Variants in AIFM2 observed in about 807,000 individuals in gnomAD.
The protein encoded by AIFM2 is ferroptosis suppressor protein 1.
AIFM2 carries 38 observed loss-of-function variants against 35.7 expected under a neutral mutation model. The observed-to-expected ratio is 1.06, with a 90% CI of 0.82 to 1.39. The LOEUF is 1.39. Ranked by LOEUF, AIFM2 falls within the 40% of genes most tolerant of loss-of-function variation. AIFM2 has a pLI of 0.00. For synonymous variants in AIFM2, 185 were observed against 203.5 expected (o/e 0.91, Z 0.77); for missense variants, 476 against 491.2 (o/e 0.97, Z 0.29).
chr10:70,116,921 C>T (rs995476916), intron 6 of AIFM2, 147 bp from the exon 7 acceptor site: 5 of 926,158 alleles, frequency 5.4e-6, no homozygotes, highest in Admixed American at 4.6e-5. Context: ...CCATGCCCCT[C>T]CCTCAGTCCA....
Position 70,121,158 on chromosome 10 carries a change from C to A in AIFM2, c.348G>T (p.Pro116=), listed in dbSNP as rs377005666. 6 of 1,600,354 alleles carry A rather than the reference C, an allele frequency of 3.7e-6. No individual in the cohort carries two copies. In the African/African-American group the frequency reaches 8.3e-5, roughly 22 times the overall value. The change falls in exon 4 of 9, where the codon CCG becomes CCT. Residue 116 remains proline, a synonymous_variant. Transcript: ENST00000307864. ...ILATGSTGPF[P]GKFNEVSSQQ... ...GGCTGGAAACCTCATTAAACTTGCC[C>A]GGGAAGGGCCCAGTGCTGCCCGTGG...
At position 70,127,147 on chromosome 10, in the gene AIFM2, G is replaced by T. The variant is rs375286059; in HGVS notation, c.-13-3050C>A. Among the ~76,000 whole-genome samples the T allele has an allele frequency of 3.2e-4, 48 of 152,366 alleles. No homozygotes were observed. The South Asian group carries it at 9.7e-3, about 31-fold the overall frequency. ...GGCAGTGATGAGGCAGGCCGTGGGT[G>T]GCGTGTGTTTCACCAGCCCCTGGCA... On this transcript the variant is annotated intron_variant, in intron 1 of 8. Transcript: ENST00000307864.
At chr10:70,115,237 C>G in intron 7 of AIFM2, 117 bp from the exon 8 acceptor site, 1 of 1,113,182 alleles carries the variant, frequency 9.0e-7, no homozygotes, top group South Asian at 1.4e-5. Context: ...AGGTCACCCT[C>G]CTGAGGCATG....
intron 1 of AIFM2, among the ~76,000 whole-genome samples, chr10:70,124,571 T>C (rs1160795023): frequency 6.6e-6 from 1 of 152,214 alleles, no homozygotes; most frequent in East Asian, 1.9e-4. Context: ...ATGCTCTGTG[T>C]TGTGTATCCT....
At chr10:70,118,776 C>T (rs764989935) in intron 5 of AIFM2, among the ~76,000 whole-genome samples, 3 of 152,154 alleles carry the variant, frequency 2.0e-5, no homozygotes, top group Non-Finnish European at 4.4e-5. Context: ...ATTTGGTCCT[C>T]ATTGCCGGTT....
intron 5 of AIFM2, 102 bp from the exon 6 acceptor site, chr10:70,118,022 T>C (rs952581261): frequency 1.3e-6 from 1 of 795,080 alleles, no homozygotes; most frequent in African/African-American, 1.8e-5. Context: ...AGGTTACAGA[T>C]GAGGAAACTG....
chr10:70,124,112 G>T lies in AIFM2; in HGVS notation c.-13-15C>A. 1 of 1,449,858 alleles carries T rather than the reference G, an allele frequency of 6.9e-7. No homozygotes were observed. 89.8% of individuals were successfully genotyped at this position (1,449,858 alleles called of 1,614,324 possible). The stretch of plus-strand genomic sequence containing the variant: ...CAAATCAGGCACTGCTGGGAAGAAA[G>T]AGGAGAGCATATCAGAGTCAGGGAG... On this transcript the variant is annotated splice_polypyrimidine_tract_variant and intron_variant, in intron 1 of 8. Coordinates refer to ENST00000307864, the MANE Select transcript of AIFM2 (RefSeq NM_032797.6).
At chr10:70,114,804 C>T in intron 8 of AIFM2, 116 bp downstream of exon 8, 1 of 1,271,722 alleles carries the variant, frequency 7.9e-7, no homozygotes. Flanking sequence ...GGGATGTTTC[C>T]ATCACCAGCT....
chr10:70,115,145 C>T lies in AIFM2; in HGVS notation c.770-25G>A, dbSNP rs750656515. On this transcript the variant is annotated intron_variant, in intron 7 of 8. Transcript: ENST00000307864. ...TCTGCCAGAAGAAATGACACCGAAA[C>T]CAAGACACTGAGCTGCTGTGTTAAG... 7.4e-6 allele frequency: 12 copies of T among 1,611,118 alleles called. No homozygotes were observed. The South Asian group carries it at 1.1e-4, about 15-fold the overall frequency.
chr10:70,123,908 T>C lies in AIFM2; in HGVS notation c.177A>G (p.Thr59=), dbSNP rs138493806. The C allele has an allele frequency of 8.5e-5, 133 of 1,573,944 alleles. No individual in the cohort carries two copies. In the African/African-American group the frequency reaches 1.0e-3, roughly 12 times the overall value. The change falls in exon 2 of 9, where the codon ACA becomes ACG. Residue 59 remains threonine (T), a splice_region_variant and synonymous_variant. Coordinates refer to ENST00000307864, the MANE Select transcript of AIFM2 (RefSeq NM_032797.6). ...NVAALRASVE[T]GFAKKTFISY... ...CAGCCCCAGACGGGAGCACATTACC[T>C]GTCTCCACGGAGGCTCGGAGAGCAG... is the stretch of plus-strand genomic sequence containing the variant.
intron 1 of AIFM2, among the ~76,000 whole-genome samples, chr10:70,129,438 T>TCTAAAA (rs981655458): frequency 2.6e-5 from 4 of 152,098 alleles, no homozygotes; most frequent in Non-Finnish European, 4.4e-5. Context: ...ACATGAAAGA[T>TCTAAAA]CTAATCCCAT....
rs771696445 is a variant in AIFM2, at chr10:70,123,515, C to A, written c.184G>T (p.Ala62Ser). 7 of 1,613,752 alleles carry A rather than the reference C, an allele frequency of 4.3e-6. No homozygotes were observed. The highest frequency in any genetic ancestry group is 5.9e-6 in the Non-Finnish European group (7 of 1,179,838). ...GAGTAAGAAATGAATGTCTTTTTGGCGAACCCTGGGGAAGGGACACAGAAG... is the reference window on the plus strand; with the variant it reads ...GAGTAAGAAATGAATGTCTTTTTGGAGAACCCTGGGGAAGGGACACAGAAG... Reference protein sequence around the residue: ...ALRASVETGFAKKTFISYSVT... With the variant: ...ALRASVETGFSKKTFISYSVT... Residue 62 changes from alanine (A) to serine (S), a missense_variant, in exon 3 of 9, where the codon GCC (alanine) becomes TCC (serine). Physicochemically the swap from Ala to Ser is moderately conservative, Grantham distance 99. Transcript: ENST00000307864.
intron 1 of AIFM2, among the ~76,000 whole-genome samples, chr10:70,129,126 AT>A (rs35700120): frequency 0.45 from 60,374 of 133,582 alleles, 13,110 homozygotes; most frequent in Admixed American, 0.56. Context: ...GAGCTGGCTA[AT>A]TTTTTTTTTT....
chr10:70,119,556 G>A (rs2072475265), intron 5 of AIFM2, among the ~76,000 whole-genome samples: 1 of 152,170 alleles, frequency 6.6e-6, no homozygotes, highest in Non-Finnish European at 1.5e-5. Context: ...AGTGAGTAGG[G>A]AGAAAAACAG....
chr10:70,117,237 G>A lies in AIFM2; in HGVS notation c.617-463C>T, dbSNP rs1488104820. ...CACAGCCAGTTACCAAAAGGAGGCT[G>A]AGGCAGCCATGCGGGCCCTTCACAG... On this transcript the variant is annotated intron_variant, in intron 6 of 8. Coordinates refer to ENST00000307864, the MANE Select transcript of AIFM2 (RefSeq NM_032797.6). The surrounding 1 kb of genome is among the most constrained non-coding windows in gnomAD (Gnocchi z 4.7). 6.6e-6 allele frequency among the ~76,000 whole-genome samples: 1 copy of A among 152,210 alleles called. No individual in the cohort carries two copies. The highest frequency in any genetic ancestry group is 1.5e-5 in the Non-Finnish European group (1 of 68,034).
intron 1 of AIFM2, among the ~76,000 whole-genome samples, 200 bp downstream of exon 1, chr10:70,132,534 T>C (rs1249432625): frequency 6.6e-6 from 1 of 152,174 alleles, no homozygotes; most frequent in African/African-American, 2.4e-5. Flanking sequence ...CATCTCCCTG[T>C]TGCGTTTTTT....
In AIFM2 at chr10:70,120,945, A is replaced by G. The variant is rs184049682; in HGVS notation, c.414+147T>C. On this transcript the variant is annotated intron_variant, in intron 4 of 8. Coordinates refer to ENST00000307864, the MANE Select transcript of AIFM2 (RefSeq NM_032797.6). Reference sequence around the variant, plus strand: ...AGCAAGTTCAAGGTCTCTTCCCAGGAAAGTCTCTTCCTAGTGACTCTCCAA... The same window carrying G: ...AGCAAGTTCAAGGTCTCTTCCCAGGGAAGTCTCTTCCTAGTGACTCTCCAA... 12 of 1,387,208 alleles carry G rather than the reference A, an allele frequency of 8.7e-6. No individual in the cohort carries two copies. The Admixed American group carries it at 2.6e-4, about 30-fold the overall frequency. The allele number at this position is 1,387,208 out of a possible 1,614,324, so 85.9% of individuals were successfully genotyped here.
At chr10:70,115,658 C>T (rs967555607) in intron 7 of AIFM2, among the ~76,000 whole-genome samples, 7 of 152,060 alleles carry the variant, frequency 4.6e-5, no homozygotes, top group African/African-American at 9.7e-5. Flanking sequence ...CCCAGCTATT[C>T]GGGAGGCTGA....
intron 5 of AIFM2, chr10:70,118,261 C>A: frequency 4.7e-6 from 1 of 214,694 alleles, no homozygotes; most frequent in Non-Finnish European, 9.2e-6. Context: ...GGCATTCCAA[C>A]AGTCAATCAG....
Sources: gnomAD v4.1 joint callset for allele counts (sites outside exome capture counted in the v4.1 genomes callset) on GRCh38, gnomAD v4.1.1 for gene constraint, Gnocchi (gnomAD v3.1) non-coding constraint, MANE v1.5 for transcripts, NCBI Gene and HGNC (gene_info 2026-07-23, HGNC 2026-07-21) for gene names.